The following IARS2 variants were observed in gnomAD, a reference collection of about 807,000 sequenced individuals.
The protein encoded by IARS2 is isoleucine--tRNA ligase, mitochondrial.
IARS2 carries 56 observed loss-of-function variants against 126.3 expected under a neutral mutation model. The observed-to-expected ratio is 0.44, with a 90% CI of 0.36 to 0.55. The LOEUF (loss-of-function observed/expected upper bound fraction) is 0.55, where lower values mean the gene tolerates loss of function less well. IARS2 is among the 20% of genes least tolerant of loss of function. The pLI is 0.00. For missense variants in IARS2, 1,127 were observed against 1,245.9 expected (o/e 0.90, Z 1.44); for synonymous variants, 407 against 441.1 (o/e 0.92, Z 0.97).
intron 7 of IARS2, among the ~76,000 whole-genome samples, chr1:220,103,175 G>A (rs1013163754): frequency 4.0e-5 from 6 of 151,836 alleles, no homozygotes; most frequent in African/African-American, 1.5e-4. Context: ...CGAGTAGCTG[G>A]GATTATGGGA....
Position 220,140,279 on chromosome 1 carries a change from A to G in IARS2, c.2404A>G (p.Ile802Val). 6.3e-7 allele frequency: 1 copy of G among 1,580,820 alleles called. No individual in the cohort carries two copies. Among genetic ancestry groups the G allele is most frequent in the Non-Finnish European group, 8.7e-7 (1 of 1,149,980 alleles). ...RELSNFYFSIIKDRLYCEKEN... is the reference protein window; with the variant it reads ...RELSNFYFSIVKDRLYCEKEN... ...GCTCTCTAACTTTTATTTCAGTATA[A>G]TCAAAGATAGGTATGTATGACTAAA... Residue 802 changes from isoleucine to valine, a missense_variant, in exon 19 of 23, where the codon ATC becomes GTC. Physicochemically the swap from Ile to Val is conservative, Grantham distance 29 (BLOSUM62 3). Transcript: ENST00000366922.
intron 13 of IARS2, among the ~76,000 whole-genome samples, chr1:220,126,004 G>C (rs1364073656): frequency 6.6e-6 from 1 of 151,376 alleles, no homozygotes; most frequent in Non-Finnish European, 1.5e-5. Flanking sequence ...CTACTCGGGA[G>C]ACTGAGGCAG....
At chr1:220,144,231 C>T in intron 21 of IARS2, 1 of 769,320 alleles carries the variant, frequency 1.3e-6, no homozygotes, top group Non-Finnish European at 2.4e-6. Context: ...GCTTCATCAT[C>T]ACGGTGAGAA....
At chr1:220,137,393 A>G (rs2102839013) in intron 16 of IARS2, among the ~76,000 whole-genome samples, 1 of 152,320 alleles carries the variant, frequency 6.6e-6, no homozygotes, top group East Asian at 1.9e-4. Flanking sequence ...GCAGGTCCTA[A>G]ATGTACATCA....
Position 220,105,871 on chromosome 1 carries a change from G to A in IARS2, c.1067-20G>A. 6.2e-7 allele frequency: 1 copy of A among 1,607,130 alleles called. No homozygotes were observed. The highest frequency in any genetic ancestry group is 8.5e-7 in the Non-Finnish European group (1 of 1,173,734). On this transcript the variant is annotated intron_variant, in intron 8 of 22. Coordinates refer to ENST00000366922, the MANE Select transcript of IARS2 (RefSeq NM_018060.4). ...TTGCCATATAAAATGATTCTTAATA[G>A]TGGTTTTCTTTCCCCACAGGTGTAG...
At chr1:220,132,523 C>G (rs1310658134) in intron 14 of IARS2, among the ~76,000 whole-genome samples, 16 of 142,702 alleles carry the variant, frequency 1.1e-4, no homozygotes. Flanking sequence ...ACCTTTCTCT[C>G]TCTTTTTTTT....
chr1:220,124,362 G>C (rs941388917), intron 12 of IARS2, among the ~76,000 whole-genome samples: 2 of 152,096 alleles, frequency 1.3e-5, no homozygotes, highest in African/African-American at 4.8e-5. Flanking sequence ...CATGTGTTAG[G>C]TGCTGTACTA....
chr1:220,140,334 G>A (rs1251088008), intron 19 of IARS2, 45 bp downstream of exon 19: 1 of 1,174,222 alleles, frequency 8.5e-7, no homozygotes, highest in East Asian at 2.3e-5. Context: ...GGCCAGGTGT[G>A]GTGACTCACG....
In IARS2 at chr1:220,143,096, A is replaced by G; in HGVS notation, c.2713A>G (p.Thr905Ala). The G allele has an allele frequency of 1.2e-6, 2 of 1,614,074 alleles. No individual in the cohort carries two copies. Among genetic ancestry groups the G allele is most frequent in the Non-Finnish European group, 1.7e-6 (2 of 1,179,970 alleles). Reference sequence around the variant, plus strand: ...AAATGCAGCTGAGTACAAGGTTATCACTGTGATAGAACCTGGACTGCTTTT... The same window carrying G: ...AAATGCAGCTGAGTACAAGGTTATCGCTGTGATAGAACCTGGACTGCTTTT... ...GKNAAEYKVI[T>A]VIEPGLLFEI... is the part of the protein sequence containing the mutation. The change falls in exon 21 of 23, where the codon ACT becomes GCT. Residue 905 changes from threonine to alanine, a missense_variant. By Grantham distance (58) the Thr-to-Ala change is moderately conservative. Transcript: ENST00000366922.
chr1:220,144,901 A>G (rs551333690), intron 21 of IARS2, among the ~76,000 whole-genome samples: 22 of 152,240 alleles, frequency 1.4e-4, no homozygotes, highest in African/African-American at 5.1e-4. Context: ...AGGAATGTCT[A>G]TGTTGGTTAG....
intron 12 of IARS2, 126 bp downstream of exon 12, chr1:220,114,600 T>C (rs1318696608): frequency 1.1e-5 from 7 of 665,332 alleles, no homozygotes. Context: ...AAATAGTCTT[T>C]TGGGGGACTA....
At chr1:220,121,217 C>T (rs1571855163) in intron 12 of IARS2, among the ~76,000 whole-genome samples, 3 of 152,136 alleles carry the variant, frequency 2.0e-5, no homozygotes, top group South Asian at 2.1e-4. Context: ...CGTTGTTTCT[C>T]GTAAGTGTAA....
At chr1:220,142,756 T>C (rs982454294) in intron 20 of IARS2, among the ~76,000 whole-genome samples, 188 bp from the exon 21 acceptor site, 2 of 152,190 alleles carry the variant, frequency 1.3e-5, no homozygotes, top group African/African-American at 4.8e-5. Context: ...TGTTTAAATA[T>C]AACAAAGATT....
chr1:220,143,786 G>A (rs1002461821), intron 21 of IARS2, among the ~76,000 whole-genome samples: 4 of 152,084 alleles, frequency 2.6e-5, no homozygotes, highest in African/African-American at 9.7e-5. Context: ...TTTCTAGAAG[G>A]GCCATCAGAA....
In IARS2 at chr1:220,137,994, T is replaced by TTG. The variant is rs1558131075; in HGVS notation, c.2127_2128dup (p.Ala710ValfsTer41). Reference sequence around the variant, plus strand: ...GCTGATTCCAATGTCTTCACCGAAGTTGCAATTGGCCCATCCGTGCTCAAT... The same window carrying TTG: ...GCTGATTCCAATGTCTTCACCGAAGTTGTGCAATTGGCCCATCCGTGCTCAAT... On this transcript the variant is annotated frameshift_variant, in exon 17 of 23. Transcript: ENST00000366922. LOFTEE classifies it high-confidence loss of function. 6.2e-7 allele frequency: 1 copy of TTG among 1,614,160 alleles called. No homozygotes were observed. Among genetic ancestry groups the TTG allele is most frequent in the South Asian group, 1.1e-5 (1 of 91,078 alleles).
intron 14 of IARS2, among the ~76,000 whole-genome samples, chr1:220,127,582 G>A (rs1471980801): frequency 6.6e-6 from 1 of 152,188 alleles, no homozygotes; most frequent in Non-Finnish European, 1.5e-5. Context: ...GGGATGAGAT[G>A]TCACGGAGGC....
intron 12 of IARS2, among the ~76,000 whole-genome samples, chr1:220,118,858 A>G (rs1010346154): frequency 6.6e-6 from 1 of 152,170 alleles, no homozygotes; most frequent in Non-Finnish European, 1.5e-5. Flanking sequence ...AATTTCTTCA[A>G]AATGGTTTTC....
rs193214242 is a variant in IARS2, at chr1:220,130,927, A to G, written c.1838-3475A>G. Among the ~76,000 whole-genome samples the G allele has an allele frequency of 1.5e-3, 227 of 152,190 alleles. 1 individual carries two copies. The highest frequency in any genetic ancestry group is 4.8e-3 in the African/African-American group (199 of 41,526). On this transcript the variant is annotated intron_variant, in intron 14 of 22. Transcript: ENST00000366922. ...TGGTAGATTTATTTCTGGGTTCTCTATTCTGTCCCATTGGTCTAAGTGTCT... is the reference window on the plus strand; with the variant it reads ...TGGTAGATTTATTTCTGGGTTCTCTGTTCTGTCCCATTGGTCTAAGTGTCT...
At chr1:220,111,173 T>C (rs956274453) in intron 11 of IARS2, among the ~76,000 whole-genome samples, 3 of 152,190 alleles carry the variant, frequency 2.0e-5, no homozygotes, top group African/African-American at 7.2e-5. Context: ...ATCACACTGT[T>C]AGTAGATAGA....
Sources: gnomAD v4.1 joint callset for allele counts (sites outside exome capture counted in the v4.1 genomes callset) on GRCh38, gnomAD v4.1.1 for gene constraint, MANE v1.5 for transcripts, NCBI Gene and HGNC (gene_info 2026-07-23, HGNC 2026-07-21) for gene names.